The following ACSS3 variants were observed in gnomAD, a reference collection of about 807,000 sequenced individuals.
The protein encoded by ACSS3 is acyl-CoA synthetase short-chain family member 3, mitochondrial.
ACSS3 carries 64 observed loss-of-function variants against 84.2 expected under a neutral mutation model. The observed-to-expected ratio is 0.76, with a 90% CI of 0.62 to 0.94. ACSS3 has a LOEUF of 0.94. Among genes scored for constraint, ACSS3 ranks in the 40% least tolerant of loss-of-function variants. The pLI is 0.00. For missense variants in ACSS3, 815 were observed against 867.6 expected, an observed-to-expected ratio of 0.94 and a Z score of 0.76; for synonymous variants, 317 against 310.1, an observed-to-expected ratio of 1.02 and a Z score of -0.23.
intron 2 of ACSS3, among the ~76,000 whole-genome samples, chr12:81,132,261 CT>C (rs1222160365): frequency 2.0e-5 from 3 of 151,716 alleles, no homozygotes; most frequent in African/African-American, 7.3e-5. Flanking sequence ...TGGTCCTGGA[CT>C]TTTTTTTGGT....
At chr12:81,220,332 TATAG>T (rs757442501) in intron 11 of ACSS3, among the ~76,000 whole-genome samples, 1 of 152,094 alleles carries the variant, frequency 6.6e-6, no homozygotes, top group Non-Finnish European at 1.5e-5. Context: ...ACAGGTTATG[TATAG>T]ATGATAAAGT....
intron 9 of ACSS3, among the ~76,000 whole-genome samples, chr12:81,206,610 G>A (rs941981471): frequency 2.6e-5 from 4 of 152,184 alleles, no homozygotes; most frequent in Admixed American, 1.3e-4. Context: ...TGGCGTGACA[G>A]CATCCATCTG....
chr12:81,083,344 A>T (rs1251557642), intron 1 of ACSS3, among the ~76,000 whole-genome samples: 1 of 149,820 alleles, frequency 6.7e-6, no homozygotes, highest in Non-Finnish European at 1.5e-5. Context: ...CCTGTAAAAA[A>T]TTCAGCTTTT....
chr12:81,088,500 A>G (rs1391603855), intron 1 of ACSS3, among the ~76,000 whole-genome samples: 1 of 152,070 alleles, frequency 6.6e-6, no homozygotes, highest in Non-Finnish European at 1.5e-5. Flanking sequence ...ACAGCTAACA[A>G]CTAAGCTTTT....
intron 11 of ACSS3, among the ~76,000 whole-genome samples, chr12:81,225,217 A>G (rs919969076): frequency 6.6e-6 from 1 of 151,642 alleles, no homozygotes. Context: ...GATTCCAATT[A>G]TGAATCCTTT....
chr12:81,164,175 T>C (rs949758457), intron 7 of ACSS3, among the ~76,000 whole-genome samples: 1 of 152,210 alleles, frequency 6.6e-6, no homozygotes, highest in African/African-American at 2.4e-5. Context: ...ATATTTTTAC[T>C]GTTATTTTTC....
intron 4 of ACSS3, among the ~76,000 whole-genome samples, chr12:81,140,593 G>C (rs776297731): frequency 2.0e-5 from 3 of 152,114 alleles, no homozygotes; most frequent in Non-Finnish European, 4.4e-5. Flanking sequence ...AGTAGTCTGT[G>C]GTTCATGAAC....
intron 3 of ACSS3, among the ~76,000 whole-genome samples, chr12:81,137,511 A>G (rs1003605079): frequency 5.3e-5 from 8 of 152,110 alleles, no homozygotes; most frequent in African/African-American, 1.9e-4. Context: ...ATTAGGAATG[A>G]TTTTGATGTC....
At chr12:81,243,952 T>C (rs1163868030) in intron 13 of ACSS3, among the ~76,000 whole-genome samples, 2 of 152,222 alleles carry the variant, frequency 1.3e-5, no homozygotes, top group African/African-American at 4.8e-5. Context: ...TTTTTATTTA[T>C]ACAAATTTCT....
chr12:81,171,556 A>G (rs1455028644), intron 7 of ACSS3, among the ~76,000 whole-genome samples: 1 of 152,192 alleles, frequency 6.6e-6, no homozygotes, highest in Non-Finnish European at 1.5e-5. Flanking sequence ...ATGAAAGAAC[A>G]TTGTGGGATT....
rs893229009 is a variant in ACSS3, at chr12:81,260,818, A to G, written c.*5896A>G. 1.1e-4 allele frequency: 16 copies of G among 152,198 alleles called. No homozygotes were observed. Among genetic ancestry groups the G allele is most frequent in the African/African-American group, 3.6e-4 (15 of 41,452 alleles). 9.4% of individuals were successfully genotyped at this position (152,198 alleles called of 1,614,324 possible). On this transcript the variant is annotated 3_prime_UTR_variant, in exon 16 of 16. Transcript: ENST00000548058. ...CCTGTGCACACATTTTGTTCTAAAT[A>G]TCGCTCTTAAAAAGTATTTTTCTAA...
intron 2 of ACSS3, among the ~76,000 whole-genome samples, chr12:81,118,701 C>T (rs1884276173): frequency 6.6e-6 from 1 of 152,062 alleles, no homozygotes; most frequent in African/African-American, 2.4e-5. Flanking sequence ...AAATTGAAGT[C>T]TCATAGGTGG....
chr12:81,246,704 T>A (rs2033995864), intron 13 of ACSS3, among the ~76,000 whole-genome samples: 1 of 152,172 alleles, frequency 6.6e-6, no homozygotes, highest in Non-Finnish European at 1.5e-5. Flanking sequence ...GCAAACAAAC[T>A]ACAATTTGAA....
At chr12:81,080,321 A>G (rs982480540) in intron 1 of ACSS3, among the ~76,000 whole-genome samples, 1 of 151,358 alleles carries the variant, frequency 6.6e-6, no homozygotes, top group African/African-American at 2.4e-5. Flanking sequence ...CTTTTCAATA[A>G]TTTGCTTTTT....
chr12:81,140,169 T>A (rs1247995374), intron 4 of ACSS3, among the ~76,000 whole-genome samples: 1 of 152,162 alleles, frequency 6.6e-6, no homozygotes, highest in East Asian at 1.9e-4. Context: ...TTGAAGAGTA[T>A]TTAGGCCAGA....
intron 1 of ACSS3, among the ~76,000 whole-genome samples, chr12:81,092,701 C>T (rs1881748024): frequency 6.6e-6 from 1 of 152,076 alleles, no homozygotes; most frequent in South Asian, 2.1e-4. Flanking sequence ...GGTTTCTTAG[C>T]ACCAGCTAGA....
chr12:81,135,054 CAT>C (rs1411839246), intron 3 of ACSS3, 50 bp downstream of exon 3: 2 of 1,436,562 alleles, frequency 1.4e-6, no homozygotes, highest in Non-Finnish European at 1.9e-6. Flanking sequence ...ATAATTTAGT[CAT>C]ATTTATCTGT....
chr12:81,143,912 C>T (rs1886206335), intron 5 of ACSS3, among the ~76,000 whole-genome samples: 1 of 152,160 alleles, frequency 6.6e-6, no homozygotes, highest in Non-Finnish European at 1.5e-5. Context: ...CCTGGTATCT[C>T]CAAATAACAC....
intron 2 of ACSS3, among the ~76,000 whole-genome samples, chr12:81,117,782 C>T (rs17679826): frequency 0.021 from 3,248 of 152,154 alleles, 75 homozygotes; most frequent in South Asian, 0.1. Flanking sequence ...AATCGGCACC[C>T]CATAACATAA....
Sources: gnomAD v4.1 joint callset for allele counts (sites outside exome capture counted in the v4.1 genomes callset) on GRCh38, gnomAD v4.1.1 for gene constraint, MANE v1.5 for transcripts, NCBI Gene and HGNC (gene_info 2026-07-23, HGNC 2026-07-21) for gene names.